Variants in BDKRB2 observed in about 807,000 individuals in gnomAD.
BDKRB2 encodes the protein B2 bradykinin receptor.
BDKRB2 carries 6 observed loss-of-function variants against 4.0 expected under a neutral mutation model. The observed-to-expected ratio is 1.49, with a 90% CI of 0.81 to 2.93. The LOEUF is 2.93. Among genes scored for constraint, BDKRB2 ranks in the 30% most tolerant of loss-of-function variants. BDKRB2 has a pLI of 0.00. For synonymous variants in BDKRB2, 225 were observed against 215.3 expected (o/e 1.05, Z -0.40); for missense variants, 478 against 520.1 (o/e 0.92, Z 0.79).
intron 1 of BDKRB2, among the ~76,000 whole-genome samples, chr14:96,225,017 A>G (rs1890661583): frequency 6.6e-6 from 1 of 150,916 alleles, no homozygotes; most frequent in African/African-American, 2.4e-5. Context: ...TGCCACACCC[A>G]GTGAAGGGGA....
intron 1 of BDKRB2, among the ~76,000 whole-genome samples, chr14:96,220,019 G>A (rs1390858972): frequency 6.6e-6 from 1 of 152,014 alleles, no homozygotes; most frequent in Non-Finnish European, 1.5e-5. Flanking sequence ...CACTGCGAGA[G>A]TATTTATACC....
In BDKRB2 at chr14:96,241,337, A is replaced by G. The variant is rs1366590295; in HGVS notation, c.1009A>G (p.Lys337Glu). 1 of 1,614,052 alleles carries G rather than the reference A, an allele frequency of 6.2e-7. No homozygotes were observed. Among genetic ancestry groups the G allele is most frequent in the East Asian group, 2.2e-5 (1 of 44,882 alleles). ...LNPLVYVIVG[K>E]RFRKKSWEVY... Reference sequence around the variant, plus strand: ...CCCACTGGTGTACGTGATCGTGGGCAAGCGCTTCCGAAAGAAGTCTTGGGA... The same window carrying G: ...CCCACTGGTGTACGTGATCGTGGGCGAGCGCTTCCGAAAGAAGTCTTGGGA... Residue 337 changes from lysine (K) to glutamate (E), a missense_variant, in exon 3 of 3, where the codon AAG becomes GAG. By Grantham distance (56) the Lys-to-Glu change is moderately conservative. Transcript: ENST00000554311.
chr14:96,209,748 C>A (rs1467902234), intron 1 of BDKRB2, among the ~76,000 whole-genome samples: 1 of 152,192 alleles, frequency 6.6e-6, no homozygotes, highest in Non-Finnish European at 1.5e-5. Context: ...GTAATCCCAG[C>A]AGCTTGGGAG....
intron 1 of BDKRB2, among the ~76,000 whole-genome samples, chr14:96,230,720 G>A (rs962444463): frequency 6.6e-6 from 1 of 151,344 alleles, no homozygotes; most frequent in African/African-American, 2.4e-5. Flanking sequence ...CGGTTCAAGC[G>A]ATTCTCCTGC....
At chr14:96,227,895 G>A (rs887451025) in intron 1 of BDKRB2, among the ~76,000 whole-genome samples, 2 of 152,188 alleles carry the variant, frequency 1.3e-5, no homozygotes, top group Non-Finnish European at 2.9e-5. Context: ...GAAGAGACAC[G>A]GGGTGGCTGC....
chr14:96,220,858 G>A (rs953906201), intron 1 of BDKRB2, among the ~76,000 whole-genome samples: 4 of 152,172 alleles, frequency 2.6e-5, no homozygotes, highest in South Asian at 2.1e-4. Context: ...CCTGGAGTGC[G>A]TGGACACAGC....
intron 1 of BDKRB2, among the ~76,000 whole-genome samples, chr14:96,216,789 G>A (rs896759231): frequency 1.4e-5 from 2 of 145,786 alleles, no homozygotes; most frequent in African/African-American, 2.5e-5. Context: ...GGAGGAGGAG[G>A]AGGAAGTAGG....
intron 1 of BDKRB2, among the ~76,000 whole-genome samples, chr14:96,227,042 G>A (rs549049147): frequency 2.1e-4 from 32 of 152,300 alleles, no homozygotes; most frequent in African/African-American, 5.1e-4. Flanking sequence ...GGCAAAGCCC[G>A]GGCTCTTGCT....
chr14:96,208,049 C>T (rs1198721149), intron 1 of BDKRB2, among the ~76,000 whole-genome samples: 1 of 152,194 alleles, frequency 6.6e-6, no homozygotes, highest in African/African-American at 2.4e-5. Flanking sequence ...AAAGCTCTTC[C>T]TCCAACTGCC....
At chr14:96,224,311 C>G (rs577449355) in intron 1 of BDKRB2, among the ~76,000 whole-genome samples, 1 of 152,292 alleles carries the variant, frequency 6.6e-6, no homozygotes, top group Admixed American at 6.5e-5. Flanking sequence ...ACCATCATCT[C>G]CACCTGAGGT....
rs182537893 is a variant in BDKRB2, at chr14:96,229,426, G to A, written c.-39-7643G>A. On this transcript the variant is annotated intron_variant, in intron 1 of 2. Transcript: ENST00000554311. ...CAGCCTTGGACCGAAGCTCCTGCCCGCAAGCTGAATTTCTTCTTCTTCCAG... is the reference window on the plus strand; with the variant it reads ...CAGCCTTGGACCGAAGCTCCTGCCCACAAGCTGAATTTCTTCTTCTTCCAG... 2.2e-3 allele frequency among the ~76,000 whole-genome samples: 330 copies of A among 152,216 alleles called. 1 individual carries two copies. The highest frequency in any genetic ancestry group is 7.0e-3 in the African/African-American group (291 of 41,520).
At chr14:96,223,240 A>C in intron 1 of BDKRB2, 1 of 1,075,460 alleles carries the variant, frequency 9.3e-7, no homozygotes, top group Non-Finnish European at 1.4e-6. Flanking sequence ...TGAATGGAGG[A>C]ATCTTGGCGT....
At chr14:96,208,885 G>A (rs1890245309) in intron 1 of BDKRB2, among the ~76,000 whole-genome samples, 1 of 152,238 alleles carries the variant, frequency 6.6e-6, no homozygotes, top group South Asian at 2.1e-4. Context: ...GTGGGGCACA[G>A]AGAAGTGGCC....
At chr14:96,240,005 G>A (rs569619337) in intron 2 of BDKRB2, 276 of 1,002,494 alleles carry the variant, frequency 2.8e-4, no homozygotes, top group Non-Finnish European at 3.1e-4. Flanking sequence ...CCCACCACAC[G>A]GCTTTGAGAG....
chr14:96,223,066 A>T, intron 1 of BDKRB2: 7 of 833,198 alleles, frequency 8.4e-6, no homozygotes, highest in Non-Finnish European at 1.4e-5. Context: ...AGTTGCTTGG[A>T]GGTTGGCGGC....
chr14:96,240,812 A>G lies in BDKRB2; in HGVS notation c.484A>G (p.Thr162Ala). 1 of 1,553,198 alleles carries G rather than the reference A, an allele frequency of 6.4e-7. No individual in the cohort carries two copies. The highest frequency in any genetic ancestry group is 1.7e-4 in the Middle Eastern group (1 of 5,764). ...SIDRYLALVKTMSMGRMRGVR... is the reference protein window; with the variant it reads ...SIDRYLALVKAMSMGRMRGVR... ...CGACCGCTACCTGGCCCTGGTGAAA[A>G]CCATGTCCATGGGCCGGATGCGCGG... is the stretch of plus-strand genomic sequence containing the variant. Residue 162 changes from threonine (T) to alanine (A), a missense_variant, in exon 3 of 3, where the codon ACC (threonine) becomes GCC (alanine). Coordinates refer to ENST00000554311, the MANE Select transcript of BDKRB2 (RefSeq NM_001379692.1).
Position 96,240,862 on chromosome 14 carries a change from C to T in BDKRB2, c.534C>T (p.Ser178=). ...GCGTGCGCTGGGCCAAGCTCTACAG[C>T]TTGGTGATCTGGGGGTGTACGCTGC... The part of the protein sequence containing the change: ...MRGVRWAKLY[S]LVIWGCTLLL... Residue 178 remains serine (S), a synonymous_variant, in exon 3 of 3, where the codon AGC becomes AGT. Transcript: ENST00000554311. 6.3e-7 allele frequency: 1 copy of T among 1,581,410 alleles called. No homozygotes were observed. The highest frequency in any genetic ancestry group is 1.2e-5 in the South Asian group (1 of 83,724).
At position 96,244,044 on chromosome 14, in the gene BDKRB2, T is replaced by G. The variant is rs529613611; in HGVS notation, c.*2540T>G. 25 of 396,738 alleles carry G rather than the reference T, an allele frequency of 6.3e-5. No homozygotes were observed. The East Asian group carries it at 8.2e-4, about 13-fold the overall frequency. The allele number at this position is 396,738 out of a possible 1,614,324, so 24.6% of individuals were successfully genotyped here. A position where few individuals can be genotyped will look rare whatever the true frequency, so the allele number is the denominator to read the frequency against. ...TAGATGCCCTGATAAAGAACATCTG[T>G]CCTGTGAAAGACTCAATGAGCTGTT... is the stretch of plus-strand genomic sequence containing the variant. On this transcript the variant is annotated 3_prime_UTR_variant, in exon 3 of 3. Transcript: ENST00000554311.
intron 1 of BDKRB2, among the ~76,000 whole-genome samples, chr14:96,215,498 T>G (rs892898607): frequency 6.6e-6 from 1 of 150,668 alleles, no homozygotes; most frequent in Non-Finnish European, 1.5e-5. Context: ...GGGTTGAAGG[T>G]TCTGGGTTTT....
Sources: gnomAD v4.1 joint callset for allele counts (sites outside exome capture counted in the v4.1 genomes callset) on GRCh38, gnomAD v4.1.1 for gene constraint, MANE v1.5 for transcripts, NCBI Gene and HGNC (gene_info 2026-07-23, HGNC 2026-07-21) for gene names.